SCIN: variants seen among roughly 807,000 people sequenced by gnomAD.
SCIN encodes the protein adseverin.
A neutral mutation model predicts 91.8 loss-of-function variants in SCIN; 91 were observed. That is an observed-to-expected ratio of 0.99 (90% CI 0.84 to 1.18). The LOEUF (loss-of-function observed/expected upper bound fraction) is 1.18. Ranked by LOEUF, SCIN falls within the 50% of genes most tolerant of loss-of-function variation. The pLI is 0.00. For synonymous variants in SCIN, 367 were observed against 312.6 expected, an observed-to-expected ratio of 1.17 and a Z score of -1.84; for missense variants, 1,087 against 863.9, an observed-to-expected ratio of 1.26 and a Z score of -3.24.
Position 12,657,564 on chromosome 7 carries a change from ATATATATATTTTTTTTTTT to A in SCIN, c.*4851_*4869del, listed in dbSNP as rs1784189788. ...TATATATATATATATATATATATAT[ATATATATATTTTTTTTTTT>A]TTTTTTTTTTTTTTTGCATTGGCAA... On this transcript the variant is annotated 3_prime_UTR_variant, in exon 16 of 16. Transcript: ENST00000297029. The A allele has an allele frequency of 1.4e-4, 4 of 28,200 alleles. No individual in the cohort carries two copies. Among genetic ancestry groups the A allele is most frequent in the African/African-American group, 3.4e-4 (3 of 8,742 alleles). 1.7% of individuals were successfully genotyped at this position (28,200 alleles called of 1,614,324 possible). A position where few individuals can be genotyped will look rare whatever the true frequency, so the allele number is the denominator to read the frequency against.
At chr7:12,629,000 T>A in intron 8 of SCIN, 101 bp from the exon 9 acceptor site, 1 of 973,202 alleles carries the variant, frequency 1.0e-6, no homozygotes, top group Non-Finnish European at 1.5e-6. Context: ...ATTTAAAAGT[T>A]GTTTAATAAT....
chr7:12,640,026 T>C (rs1469346298), intron 10 of SCIN, among the ~76,000 whole-genome samples: 1 of 152,202 alleles, frequency 6.6e-6, no homozygotes, highest in Non-Finnish European at 1.5e-5. Context: ...CACCAGCACC[T>C]TTTCTCTTTC....
chr7:12,617,754 C>G (rs1307426254), intron 4 of SCIN, among the ~76,000 whole-genome samples: 2 of 152,072 alleles, frequency 1.3e-5, no homozygotes, highest in African/African-American at 4.8e-5. Context: ...GCCTAGAAGG[C>G]TTTTCAAATA....
At position 12,591,364 on chromosome 7, in the gene SCIN, C is replaced by T. The variant is rs558832266; in HGVS notation, c.516+10143C>T. ...TGGTATTCTGGCTGAAAGTTAGTTT[C>T]CTGCTTTCTAGAGCTAAGCTGGCTA... On this transcript the variant is annotated intron_variant, in intron 3 of 15. Transcript: ENST00000297029. 4.6e-5 allele frequency among the ~76,000 whole-genome samples: 7 copies of T among 152,094 alleles called. No individual in the cohort carries two copies. The South Asian group carries it at 1.5e-3, about 32-fold the overall frequency.
chr7:12,579,287 C>A (rs1031132210), intron 2 of SCIN, among the ~76,000 whole-genome samples: 2 of 152,116 alleles, frequency 1.3e-5, no homozygotes, highest in African/African-American at 4.8e-5. Context: ...TCTCTTATGT[C>A]TCTTGAAATG....
chr7:12,647,790 C>G (rs998235271), intron 13 of SCIN, among the ~76,000 whole-genome samples: 1 of 152,108 alleles, frequency 6.6e-6, no homozygotes, highest in Non-Finnish European at 1.5e-5. Flanking sequence ...CAGATTAGAA[C>G]AAACATGAAT....
chr7:12,599,104 TAA>T (rs1782903768), intron 3 of SCIN, among the ~76,000 whole-genome samples: 1 of 152,024 alleles, frequency 6.6e-6, no homozygotes, highest in East Asian at 1.9e-4. Context: ...AAGGTGAAAA[TAA>T]AAAAGAGAAC....
intron 4 of SCIN, among the ~76,000 whole-genome samples, chr7:12,613,651 A>G (rs1338206665): frequency 6.6e-6 from 1 of 152,202 alleles, no homozygotes; most frequent in Non-Finnish European, 1.5e-5. Context: ...CAGCACTTGT[A>G]TAAACTAGTG....
chr7:12,605,879 A>G (rs1238954260), intron 4 of SCIN, among the ~76,000 whole-genome samples: 1 of 152,184 alleles, frequency 6.6e-6, no homozygotes, highest in Non-Finnish European at 1.5e-5. Flanking sequence ...TAATGTGAAA[A>G]TTAAGTGTTC....
chr7:12,619,906 G>C (rs1783372744), intron 4 of SCIN, among the ~76,000 whole-genome samples: 1 of 151,978 alleles, frequency 6.6e-6, no homozygotes, highest in African/African-American at 2.4e-5. Context: ...AGTAACACAG[G>C]TGTTACTTGA....
In SCIN at chr7:12,651,443, G is replaced by A. The variant is rs976326838; in HGVS notation, c.1960-398G>A. ...TGCAAGTCCTCTGAACAGCCATCTC[G>A]AAATATGTCAAAGAAGTGTATTCGG... On this transcript the variant is annotated intron_variant, in intron 14 of 15. Coordinates refer to ENST00000297029, the MANE Select transcript of SCIN (RefSeq NM_001112706.3). The surrounding 1 kb of genome is among the most constrained non-coding windows in gnomAD (Gnocchi z 5.9). Among the ~76,000 whole-genome samples, 9 of 152,120 alleles carry A rather than the reference G, an allele frequency of 5.9e-5. No individual in the cohort carries two copies. The highest frequency in any genetic ancestry group is 7.4e-5 in the Non-Finnish European group (5 of 67,996).
intron 3 of SCIN, among the ~76,000 whole-genome samples, chr7:12,591,817 G>C (rs1178997103): frequency 6.6e-6 from 1 of 152,102 alleles, no homozygotes; most frequent in Non-Finnish European, 1.5e-5. Context: ...TCATAGCCTG[G>C]GCCCCAGGGG....
At chr7:12,622,212 T>C (rs1249268883) in intron 4 of SCIN, among the ~76,000 whole-genome samples, 1 of 152,114 alleles carries the variant, frequency 6.6e-6, no homozygotes, top group Non-Finnish European at 1.5e-5. Flanking sequence ...ACAGAATAGA[T>C]AAATTCATTT....
intron 3 of SCIN, among the ~76,000 whole-genome samples, chr7:12,585,451 G>A (rs1203609502): frequency 6.6e-6 from 1 of 152,014 alleles, no homozygotes; most frequent in African/African-American, 2.4e-5. Flanking sequence ...TCCCCACCCA[G>A]AGCTTCAACT....
At position 12,657,270 on chromosome 7, in the gene SCIN, G is replaced by T. The variant is rs923397496; in HGVS notation, c.*4555G>T. 1 of 135,868 alleles carries T rather than the reference G, an allele frequency of 7.4e-6. No homozygotes were observed. Among genetic ancestry groups the T allele is most frequent in the Non-Finnish European group, 1.5e-5 (1 of 65,184 alleles). 8.4% of individuals were successfully genotyped at this position (135,868 alleles called of 1,614,324 possible). Reference sequence around the variant, plus strand: ...TTCTCACTCTGTTGCCCAGGCTGGAGTACAGTAGCGATCTCTGCTCACTGC... The same window carrying T: ...TTCTCACTCTGTTGCCCAGGCTGGATTACAGTAGCGATCTCTGCTCACTGC... On this transcript the variant is annotated 3_prime_UTR_variant, in exon 16 of 16. Transcript: ENST00000297029.
rs1401402334 is a variant in SCIN, at chr7:12,658,983, T to A, written c.*6268T>A. The A allele has an allele frequency of 6.6e-6, 1 of 152,200 alleles. No homozygotes were observed. The highest frequency in any genetic ancestry group is 1.9e-4 in the East Asian group (1 of 5,192). 9.4% of individuals were successfully genotyped at this position (152,200 alleles called of 1,614,324 possible). Reference sequence around the variant, plus strand: ...TGTTTTGTTTTGTTTTGAGATGGAGTCTTGCACTGTCACCCAGGCTGGAGG... The same window carrying A: ...TGTTTTGTTTTGTTTTGAGATGGAGACTTGCACTGTCACCCAGGCTGGAGG... On this transcript the variant is annotated 3_prime_UTR_variant, in exon 16 of 16. Coordinates refer to ENST00000297029, the MANE Select transcript of SCIN (RefSeq NM_001112706.3).
intron 4 of SCIN, among the ~76,000 whole-genome samples, chr7:12,614,045 G>A (rs1237122728): frequency 1.3e-5 from 2 of 152,190 alleles, no homozygotes; most frequent in African/African-American, 2.4e-5. Flanking sequence ...TCTTAACGAT[G>A]TCTGATAGAG....
chr7:12,649,433 A>G (rs1439273709), intron 13 of SCIN, 34 bp from the exon 14 acceptor site: 2 of 1,436,936 alleles, frequency 1.4e-6, no homozygotes, highest in East Asian at 2.4e-5. Context: ...TTACTGCTTT[A>G]CTTTTTGCTC....
Position 12,626,774 on chromosome 7 carries a change from T to G in SCIN, c.1172T>G (p.Val391Gly), listed in dbSNP as rs1734604642. Residue 391 changes from valine (V) to glycine (G), a missense_variant, in exon 8 of 16, where the codon GTG becomes GGG. By Grantham distance (109) the Val-to-Gly change is moderately radical. Coordinates refer to ENST00000297029, the MANE Select transcript of SCIN (RefSeq NM_001112706.3). ...CAGATGGCAGCCCAGCACAATATGG[T>G]GGATGATGGTTCTGGCAAAGTGGAG... ...SPQMAAQHNM[V>G]DDGSGKVEIW... The G allele has an allele frequency of 6.2e-7, 1 of 1,609,674 alleles. No homozygotes were observed. The highest frequency in any genetic ancestry group is 8.5e-7 in the Non-Finnish European group (1 of 1,178,068).
Sources: gnomAD v4.1 joint callset for allele counts (sites outside exome capture counted in the v4.1 genomes callset) on GRCh38, gnomAD v4.1.1 for gene constraint, Gnocchi (gnomAD v3.1) non-coding constraint, MANE v1.5 for transcripts, NCBI Gene and HGNC (gene_info 2026-07-23, HGNC 2026-07-21) for gene names.